Variants in FUBP1 observed in about 807,000 individuals in gnomAD.
FUBP1 encodes far upstream element binding protein 1.
A neutral mutation model predicts 94.9 loss-of-function variants in FUBP1; 16 were observed. The ratio of observed to expected loss-of-function variants is 0.17; its 90% CI spans 0.11 to 0.26. The LOEUF is 0.26. Ranked by LOEUF, FUBP1 falls within the 10% of genes least tolerant of loss-of-function variation. The pLI, the probability that FUBP1 is intolerant of heterozygous loss-of-function variation, is 1.00. For synonymous variants in FUBP1, 279 were observed against 254.9 expected (o/e 1.09, Z -0.90); for missense variants, 583 against 808.6 (o/e 0.72, Z 3.38).
At chr1:77,953,380 A>G (rs1653868092) in intron 18 of FUBP1, among the ~76,000 whole-genome samples, 1 of 152,176 alleles carries the variant, frequency 6.6e-6, no homozygotes, top group East Asian at 1.9e-4. Context: ...AATCCCAGCT[A>G]CTTGGGAGTA....
intron 3 of FUBP1, 94 bp from the exon 4 acceptor site, chr1:77,967,760 T>G (rs946491459): frequency 2.9e-5 from 22 of 771,080 alleles, no homozygotes; most frequent in Non-Finnish European, 4.6e-5. Context: ...TTCAAAAATC[T>G]CTCCCTAATG....
In FUBP1 at chr1:77,966,914, C is replaced by G. The variant is rs960308225; in HGVS notation, c.385G>C (p.Glu129Gln). 6.2e-7 allele frequency: 1 copy of G among 1,605,628 alleles called. No homozygotes were observed. Among genetic ancestry groups the G allele is most frequent in the African/African-American group, 1.3e-5 (1 of 74,596 alleles). ...GCTATCTGTATTTTGCATCCAGATT[C>G]CTGTTGTATGCGTGAGATCTGTTCA... ...GGEQISRIQQ[E>Q]SGCKIQIAPD... is the part of the protein sequence containing the mutation. Residue 129 changes from glutamate (E) to glutamine (Q), a missense_variant, in exon 6 of 20, where the codon GAA becomes CAA. Glu to Gln is a conservative substitution (Grantham distance 29). Transcript: ENST00000370768.
rs1219778602 is a variant in FUBP1, at chr1:77,948,286, T to C, written c.*480A>G. On this transcript the variant is annotated 3_prime_UTR_variant, in exon 20 of 20. Transcript: ENST00000370768. ...GCAAGGGGGGAAAAACATGCCAGTGTTTAAAAACTCAATATTTCATGGGGA... is the reference window on the plus strand; with the variant it reads ...GCAAGGGGGGAAAAACATGCCAGTGCTTAAAAACTCAATATTTCATGGGGA... 1.9e-6 allele frequency: 2 copies of C among 1,053,124 alleles called. No homozygotes were observed. The highest frequency in any genetic ancestry group is 2.3e-6 in the Non-Finnish European group (2 of 869,858). 65.2% of individuals were successfully genotyped at this position (1,053,124 alleles called of 1,614,324 possible). A position where few individuals can be genotyped will look rare whatever the true frequency, so the allele number is the denominator to read the frequency against.
chr1:77,963,354 T>A (rs1655873489), intron 13 of FUBP1, among the ~76,000 whole-genome samples: 1 of 152,354 alleles, frequency 6.6e-6, no homozygotes, highest in Admixed American at 6.5e-5. Context: ...TATCTCTTAG[T>A]TCGCTTTCTC....
At chr1:77,964,769 A>C in intron 9 of FUBP1, 22 bp from the exon 10 acceptor site, 1 of 1,559,878 alleles carries the variant, frequency 6.4e-7, no homozygotes, top group Non-Finnish European at 8.8e-7. Flanking sequence ...AAAGTTAGCT[A>C]ATTTAGAAAG....
Position 77,949,201 on chromosome 1 carries a change from G to T in FUBP1, c.1880C>A (p.Ala627Asp). The T allele has an allele frequency of 6.2e-7, 1 of 1,613,210 alleles. No homozygotes were observed. Among genetic ancestry groups the T allele is most frequent in the Non-Finnish European group, 8.5e-7 (1 of 1,179,266 alleles). Residue 627 changes from alanine to aspartate, a missense_variant, in exon 19 of 20, where the codon GCC (alanine) becomes GAC (aspartate). Coordinates refer to ENST00000370768, the MANE Select transcript of FUBP1 (RefSeq NM_003902.5). ...EYYRQQAAYY[A>D]QTSPQGMPQH... is the part of the protein sequence containing the mutation. ...TGGCATTCCCTGGGGACTTGTCTGG[G>T]CATAATAGGCTGCTTGTTGTCTATA... is the stretch of plus-strand genomic sequence containing the variant.
intron 18 of FUBP1, among the ~76,000 whole-genome samples, chr1:77,951,245 C>A (rs1653406683): frequency 2.6e-5 from 4 of 152,170 alleles, no homozygotes. Flanking sequence ...CAGGCATATG[C>A]ATCAAGAAAA....
rs763079901 is a variant in FUBP1 at position 77,960,790 on chromosome 1, CCTTTT to C, written c.1345-300_1345-296del. 3.1e-4 allele frequency: 86 copies of C among 276,580 alleles called. 1 individual carries two copies. The highest frequency in any genetic ancestry group is 5.2e-4 in the Admixed American group (10 of 19,232). 17.1% of individuals were successfully genotyped at this position (276,580 alleles called of 1,614,324 possible). On this transcript the variant is annotated intron_variant, in intron 14 of 19. Coordinates refer to ENST00000370768, the MANE Select transcript of FUBP1 (RefSeq NM_003902.5). ...TTTGCGGACAGCAGTAGTTCCCTTTCCTTTTATCATTCTTACTTTTACTATCTTTT... is the reference window on the plus strand; with the variant it reads ...TTTGCGGACAGCAGTAGTTCCCTTTCATCATTCTTACTTTTACTATCTTTT...
At position 77,949,305 on chromosome 1, in the gene FUBP1, GA is replaced by G. The variant is rs762232309; in HGVS notation, c.1781-6del. 5 of 1,604,352 alleles carry G rather than the reference GA, an allele frequency of 3.1e-6. No homozygotes were observed. The highest frequency in any genetic ancestry group is 1.7e-4 in the Middle Eastern group (1 of 5,994). On this transcript the variant is annotated splice_region_variant and splice_polypyrimidine_tract_variant and intron_variant, in intron 18 of 19. Transcript: ENST00000370768. ...TCGGAGCAGGAACTGCCTGACCTTT[GA>G]AAAAAAAGAACTTTGTTGCTGTAAC... is the stretch of plus-strand genomic sequence containing the variant.
chr1:77,952,961 A>C (rs1254897351), intron 18 of FUBP1, among the ~76,000 whole-genome samples: 2 of 151,466 alleles, frequency 1.3e-5, no homozygotes, highest in Non-Finnish European at 2.9e-5. Context: ...AACATGGTGA[A>C]ACTCTGTCTC....
At position 77,948,399 on chromosome 1, in the gene FUBP1, A is replaced by T; in HGVS notation, c.*367T>A. ...AAATACCCACATATCCAACTTACCG[A>T]CACAGGAGGTTTCATATCATTTATT... On this transcript the variant is annotated 3_prime_UTR_variant, in exon 20 of 20. Coordinates refer to ENST00000370768, the MANE Select transcript of FUBP1 (RefSeq NM_003902.5). 9.3e-7 allele frequency: 1 copy of T among 1,080,984 alleles called. No homozygotes were observed. The highest frequency in any genetic ancestry group is 1.1e-6 in the Non-Finnish European group (1 of 887,330). 67.0% of individuals were successfully genotyped at this position (1,080,984 alleles called of 1,614,324 possible). A position where few individuals can be genotyped will look rare whatever the true frequency, so the allele number is the denominator to read the frequency against.
chr1:77,960,494 C>A lies in FUBP1; in HGVS notation c.1346G>T (p.Gly449Val). 6.3e-7 allele frequency: 1 copy of A among 1,595,832 alleles called. No homozygotes were observed. The highest frequency in any genetic ancestry group is 1.4e-5 in the African/African-American group (1 of 73,780). The change falls in exon 15 of 20, where the codon GGC becomes GTC. Residue 449 changes from glycine (G) to valine (V), a missense_variant and splice_region_variant. Transcript: ENST00000370768. ...ARQLIEEKIG[G>V]PVNPLGPPVP... The stretch of plus-strand genomic sequence containing the variant: ...AGGTGGCCCTAAAGGATTTACTGGG[C>A]CCTACAAAAAAAAGGATGACATAGA...
chr1:77,966,881 T>C lies in FUBP1; in HGVS notation c.415+3A>G. ...TGAAAATACCATGAGAATGTAACAT[T>C]ACCAGGAGCTATCTGTATTTTGCAT... On this transcript the variant is annotated splice_donor_region_variant and intron_variant, in intron 6 of 19. Coordinates refer to ENST00000370768, the MANE Select transcript of FUBP1 (RefSeq NM_003902.5). 6.4e-7 allele frequency: 1 copy of C among 1,559,726 alleles called. No individual in the cohort carries two copies. The highest frequency in any genetic ancestry group is 8.8e-7 in the Non-Finnish European group (1 of 1,131,010).
At chr1:77,969,069 C>G in intron 2 of FUBP1, 1 of 1,280,502 alleles carries the variant, frequency 7.8e-7, no homozygotes, top group Non-Finnish European at 1.0e-6. Flanking sequence ...ACTGCTCGGA[C>G]TTGTCCAAGA....
chr1:77,958,407 G>T lies in FUBP1; in HGVS notation c.1577-1707C>A, dbSNP rs572182804. Among the ~76,000 whole-genome samples the T allele has an allele frequency of 3.5e-4, 53 of 152,328 alleles. 1 individual carries two copies. The South Asian group carries it at 0.011, about 32-fold the overall frequency. ...TGATATAGGTTTATTTGACTCTGAA[G>T]TCTAAATTCTTGACCACTACATAAA... On this transcript the variant is annotated intron_variant, in intron 16 of 19. Transcript: ENST00000370768.
intron 18 of FUBP1, among the ~76,000 whole-genome samples, chr1:77,951,695 A>G (rs1287846727): frequency 6.6e-6 from 1 of 152,196 alleles, no homozygotes; most frequent in Non-Finnish European, 1.5e-5. Context: ...TTATAGTTTT[A>G]TAATTATAAT....
rs1247184303 is a variant in FUBP1, at chr1:77,960,432, C to T, written c.1408G>A (p.Gly470Arg). Reference sequence around the variant, plus strand: ...CCAGGCCCTGGAGGCCCAGGAGGTCCATGGGGGCCTGGGACACCATGGGGC... The same window carrying T: ...CCAGGCCCTGGAGGCCCAGGAGGTCTATGGGGGCCTGGGACACCATGGGGC... ...HGPHGVPGPH[G>R]PPGPPGPGTP... is the part of the protein sequence containing the mutation. Residue 470 changes from glycine (G) to arginine (R), a missense_variant, in exon 15 of 20, where the codon GGA (glycine) becomes AGA (arginine). By Grantham distance (125) the Gly-to-Arg change is moderately radical. Transcript: ENST00000370768. The T allele has an allele frequency of 6.3e-7, 1 of 1,593,730 alleles. No homozygotes were observed. The highest frequency in any genetic ancestry group is 8.5e-7 in the Non-Finnish European group (1 of 1,174,952).
intron 13 of FUBP1, 97 bp from the exon 14 acceptor site, chr1:77,963,027 A>G (rs570822853): frequency 6.7e-6 from 5 of 751,816 alleles, no homozygotes; most frequent in African/African-American, 3.5e-5. Flanking sequence ...CATTAAAAAT[A>G]TGGTTTGGTC....
At chr1:77,954,368 T>C (rs1654055325) in intron 18 of FUBP1, among the ~76,000 whole-genome samples, 1 of 152,194 alleles carries the variant, frequency 6.6e-6, no homozygotes, top group African/African-American at 2.4e-5. Context: ...CACAAAAACA[T>C]AATCTGTTAA....
Sources: gnomAD v4.1 joint callset for allele counts (sites outside exome capture counted in the v4.1 genomes callset) on GRCh38, gnomAD v4.1.1 for gene constraint, MANE v1.5 for transcripts, NCBI Gene and HGNC (gene_info 2026-07-23, HGNC 2026-07-21) for gene names.